The following XYLT1 variants were observed in gnomAD, a reference collection of about 807,000 sequenced individuals.
The protein encoded by XYLT1 is beta-D-xylosyltransferase 1.
A neutral mutation model predicts 91.3 loss-of-function variants in XYLT1; 36 were observed. The observed-to-expected ratio is 0.39, with a 90% confidence interval of 0.30 to 0.52. The LOEUF (loss-of-function observed/expected upper bound fraction) is 0.52. XYLT1 is among the 20% of genes least tolerant of loss of function. The pLI is 0.68. For missense variants in XYLT1, 1,242 were observed against 1,284.5 expected (o/e 0.97, Z 0.51); for synonymous variants, 588 against 532.0 (o/e 1.11, Z -1.45).
At chr16:17,331,201 A>G (rs2034894184) in intron 2 of XYLT1, among the ~76,000 whole-genome samples, 2 of 152,348 alleles carry the variant, frequency 1.3e-5, no homozygotes, top group South Asian at 2.1e-4. Context: ...GAGATGACTC[A>G]AGCTACAGCA....
chr16:17,259,161 G>C lies in XYLT1; in HGVS notation c.740C>G (p.Pro247Arg), dbSNP rs1350046221. ...PHARKTGGSSPETKYDQPPKC... is the reference protein window; with the variant it reads ...PHARKTGGSSRETKYDQPPKC... The stretch of plus-strand genomic sequence containing the variant: ...AGGGGGCTGGTCATACTTGGTCTCG[G>C]GGGAGCTGCCCCCAGTTTTCCTGGC... The change falls in exon 3 of 12, where the codon CCC (proline) becomes CGC (arginine). Residue 247 changes from proline (P) to arginine (R), a missense_variant. This residue lies in a region of XYLT1 where 437 missense variants were observed against 411.5 expected (regional missense o/e 1.06). Coordinates refer to ENST00000261381, the MANE Select transcript of XYLT1 (RefSeq NM_022166.4). The C allele has an allele frequency of 1.3e-6, 2 of 1,599,854 alleles. No homozygotes were observed. Among genetic ancestry groups the C allele is most frequent in the Non-Finnish European group, 1.7e-6 (2 of 1,172,984 alleles).
intron 3 of XYLT1, among the ~76,000 whole-genome samples, chr16:17,256,100 T>C (rs2033625922): frequency 6.6e-6 from 1 of 152,172 alleles, no homozygotes; most frequent in African/African-American, 2.4e-5. Context: ...ATGCACTTGT[T>C]AAAGTTGTCC....
intron 2 of XYLT1, chr16:17,338,233 G>A: frequency 2.2e-6 from 1 of 456,470 alleles, no homozygotes; most frequent in Non-Finnish European, 4.4e-6. Context: ...GAAGCAGCCA[G>A]AGTGATCATC....
In XYLT1 at chr16:17,117,796, C is replaced by T; in HGVS notation, c.2407G>A (p.Ala803Thr). 6.2e-7 allele frequency: 1 copy of T among 1,614,182 alleles called. No homozygotes were observed. ...GGGGGCTTGTAGTGTGTGAATTCGG[C>T]AGTGGACTCAATGAGGATGTCGTAG... is the stretch of plus-strand genomic sequence containing the variant. ...ATYDILIEST[A>T]EFTHYKPPLN... Residue 803 changes from alanine (A) to threonine (T), a missense_variant, in exon 11 of 12, where the codon GCC becomes ACC. By Grantham distance (58) the Ala-to-Thr change is moderately conservative (BLOSUM62 0). Transcript: ENST00000261381.
At chr16:17,196,252 C>A (rs2032424582) in intron 5 of XYLT1, among the ~76,000 whole-genome samples, 1 of 152,144 alleles carries the variant, frequency 6.6e-6, no homozygotes, top group Non-Finnish European at 1.5e-5. Context: ...GTCTTCCTTC[C>A]ATGCTTGTAC....
chr16:17,231,800 A>G (rs371211086), intron 3 of XYLT1, among the ~76,000 whole-genome samples: 5 of 152,264 alleles, frequency 3.3e-5, no homozygotes, highest in African/African-American at 9.6e-5. Context: ...GTACACCTAT[A>G]TAAGATACTT....
chr16:17,249,904 G>A (rs989877132), intron 3 of XYLT1: 1 of 152,190 alleles, frequency 6.6e-6, no homozygotes, highest in African/African-American at 2.4e-5. Flanking sequence ...TCAAACTCCT[G>A]GCATCAAGCA....
chr16:17,384,020 T>C (rs575810903), intron 1 of XYLT1, among the ~76,000 whole-genome samples: 2 of 151,996 alleles, frequency 1.3e-5, no homozygotes, highest in Admixed American at 1.3e-4. Context: ...AGTGCTGGGA[T>C]TATAGGCATG....
intron 1 of XYLT1, among the ~76,000 whole-genome samples, chr16:17,388,223 A>G (rs537732266): frequency 7.2e-5 from 11 of 152,356 alleles, no homozygotes; most frequent in East Asian, 1.9e-4. Context: ...GCTAAAACAC[A>G]AAACACACTA....
At position 17,141,239 on chromosome 16, in the gene XYLT1, T is replaced by G; in HGVS notation, c.1501A>C (p.Arg501=). 6.2e-7 allele frequency: 1 copy of G among 1,614,162 alleles called. No individual in the cohort carries two copies. The highest frequency in any genetic ancestry group is 8.5e-7 in the Non-Finnish European group (1 of 1,180,024). The part of the protein sequence containing the change: ...GGSDWFLLNR[R]FVEYVTFSTD... ...GAGAAGGTCACATATTCTACAAACC[T>G]CCGGTTCAGCAGGAACCAGTCCGAA... Residue 501 remains arginine (R), a synonymous_variant, in exon 7 of 12, where the codon AGG becomes CGG. Transcript: ENST00000261381.
At chr16:17,196,109 C>G (rs1246642109) in intron 5 of XYLT1, among the ~76,000 whole-genome samples, 1 of 152,138 alleles carries the variant, frequency 6.6e-6, no homozygotes, top group African/African-American at 2.4e-5. Flanking sequence ...GAGATTGTGC[C>G]TCCCCAGTAC....
chr16:17,259,630 G>T, intron 2 of XYLT1, 132 bp from the exon 3 acceptor site: 1 of 1,093,070 alleles, frequency 9.1e-7, no homozygotes, highest in Non-Finnish European at 1.3e-6. Flanking sequence ...TTTGCTACTG[G>T]TTTAACCTCT....
chr16:17,145,783 A>T (rs1445065525), intron 6 of XYLT1, among the ~76,000 whole-genome samples: 2 of 152,242 alleles, frequency 1.3e-5, no homozygotes, highest in East Asian at 1.9e-4. Context: ...TAGGCTCCAG[A>T]CAGGGCAGGT....
intron 1 of XYLT1, among the ~76,000 whole-genome samples, chr16:17,385,658 A>G (rs775553073): frequency 1.3e-5 from 2 of 151,846 alleles, no homozygotes; most frequent in African/African-American, 2.4e-5. Context: ...CTCATCTTGT[A>G]GTGAAATAGA....
rs1966809420 is a variant in XYLT1, at chr16:17,108,525, G to A, written c.*170C>T. The stretch of plus-strand genomic sequence containing the variant: ...CGCAGCTTGCCAAAGGCAGGTTGTT[G>A]GCTGATCCTGCTTTGACCTGCTGAC... On this transcript the variant is annotated 3_prime_UTR_variant, in exon 12 of 12. Transcript: ENST00000261381. 1 of 660,988 alleles carries A rather than the reference G, an allele frequency of 1.5e-6. No individual in the cohort carries two copies. Among genetic ancestry groups the A allele is most frequent in the Non-Finnish European group, 2.4e-6 (1 of 413,762 alleles). The allele number at this position is 660,988 out of a possible 1,614,324, so 40.9% of individuals were successfully genotyped here.
intron 2 of XYLT1, among the ~76,000 whole-genome samples, chr16:17,357,418 T>C (rs1339066258): frequency 6.6e-6 from 1 of 152,032 alleles, no homozygotes; most frequent in Non-Finnish European, 1.5e-5. Context: ...AGGCCTATAC[T>C]CATAGCTGCT....
At chr16:17,266,785 G>A (rs2141767827) in intron 2 of XYLT1, among the ~76,000 whole-genome samples, 1 of 152,346 alleles carries the variant, frequency 6.6e-6, no homozygotes, top group East Asian at 1.9e-4. Context: ...CAATCACCAA[G>A]GCTACCAAGG....
At chr16:17,359,525 G>A (rs111964030) in intron 1 of XYLT1, among the ~76,000 whole-genome samples, 56 of 152,210 alleles carry the variant, frequency 3.7e-4, no homozygotes, top group African/African-American at 1.1e-3. Flanking sequence ...GGAATTCGTC[G>A]TCCCCCAACT....
intron 2 of XYLT1, among the ~76,000 whole-genome samples, chr16:17,300,351 T>C (rs939003898): frequency 3.3e-5 from 5 of 151,660 alleles, no homozygotes; most frequent in African/African-American, 1.2e-4. Context: ...TGCCAAAGAC[T>C]AGAAACCACT....
Sources: allele counts gnomAD v4.1 joint callset (sites outside exome capture counted in the v4.1 genomes callset), GRCh38; gene constraint gnomAD v4.1.1; regional missense constraint gnomAD v4.1.1; transcripts MANE v1.5; gene names NCBI Gene and HGNC (gene_info 2026-07-23, HGNC 2026-07-21).